The following GALNT13 variants were observed in gnomAD, a reference collection of about 807,000 sequenced individuals.
GALNT13 encodes the protein polypeptide N-acetylgalactosaminyltransferase 13, also known as UDP-GalNAc:polypeptide N-acetylgalactosaminyltransferase 13.
Under a neutral mutation model 64.2 loss-of-function variants are expected in GALNT13, and 28 were observed. The ratio of observed to expected loss-of-function variants is 0.44; its 90% CI spans 0.32 to 0.60. The LOEUF is 0.60. Among genes scored for constraint, GALNT13 ranks in the 20% least tolerant of loss-of-function variants. The pLI, the probability that GALNT13 is intolerant of heterozygous loss-of-function variation, is 0.05. For synonymous variants in GALNT13, 214 were observed against 224.6 expected, an observed-to-expected ratio of 0.95 and a Z score of 0.42; for missense variants, 577 against 669.8, an observed-to-expected ratio of 0.86 and a Z score of 1.53.
rs372302037 is a variant in GALNT13 at position 154,318,276 on chromosome 2, T to C, written c.1156+16687T>C. ...ACCTCAAAGTATCTGCAAACATTTC[T>C]ACAGGAATTTAAATATTCCAAAACG... On this transcript the variant is annotated intron_variant, in intron 9 of 12. Transcript: ENST00000392825. 5.3e-5 allele frequency among the ~76,000 whole-genome samples: 8 copies of C among 152,186 alleles called. No individual in the cohort carries two copies. The East Asian group carries it at 9.6e-4, about 18-fold the overall frequency.
At chr2:153,073,076 T>C in the GALNT13 span, among the ~76,000 whole-genome samples, 1 of 145,020 alleles carries the variant, frequency 6.9e-6, no homozygotes, top group African/African-American at 2.5e-5. Context: ...TTTAATTTCA[T>C]AGCAGCCCTA....
chr2:154,345,654 G>A (rs1696029730), intron 9 of GALNT13, among the ~76,000 whole-genome samples: 1 of 152,040 alleles, frequency 6.6e-6, no homozygotes. Flanking sequence ...GAGACCCACT[G>A]AGGAATGTTT....
chr2:154,205,593 A>G (rs2105787944), intron 4 of GALNT13, among the ~76,000 whole-genome samples: 1 of 152,334 alleles, frequency 6.6e-6, no homozygotes, highest in South Asian at 2.1e-4. Context: ...TACAAAAGAA[A>G]GAGGTTTGTT....
At chr2:153,137,976 G>A in the GALNT13 span, among the ~76,000 whole-genome samples, 2 of 152,016 alleles carry the variant, frequency 1.3e-5, no homozygotes, top group African/African-American at 4.8e-5. Context: ...ATTCTCTGTG[G>A]TGCTTCCTAC....
the GALNT13 span, among the ~76,000 whole-genome samples, chr2:153,392,894 C>G: frequency 6.6e-6 from 1 of 151,876 alleles, no homozygotes; most frequent in Non-Finnish European, 1.5e-5. Context: ...GATTAGTGCC[C>G]TTATAAAAGA....
chr2:153,252,909 C>T, the GALNT13 span, among the ~76,000 whole-genome samples: 1 of 152,094 alleles, frequency 6.6e-6, no homozygotes, highest in African/African-American at 2.4e-5. Flanking sequence ...AGCGTGATGC[C>T]TCCAGCTTTG....
At chr2:154,160,083 C>T (rs1342471953) in intron 4 of GALNT13, among the ~76,000 whole-genome samples, 1 of 152,138 alleles carries the variant, frequency 6.6e-6, no homozygotes, top group Non-Finnish European at 1.5e-5. Context: ...TGTTGCCAGA[C>T]TTCTCTTCCC....
chr2:153,607,775 G>C, the GALNT13 span, among the ~76,000 whole-genome samples: 1 of 152,044 alleles, frequency 6.6e-6, no homozygotes, highest in Non-Finnish European at 1.5e-5. Context: ...AGAGGTGATA[G>C]TGTTTGTCCC....
At chr2:153,746,176 C>T in the GALNT13 span, among the ~76,000 whole-genome samples, 1 of 152,112 alleles carries the variant, frequency 6.6e-6, no homozygotes, top group African/African-American at 2.4e-5. Context: ...CACAAGTGTA[C>T]AGCTCAACAA....
intron 9 of GALNT13, among the ~76,000 whole-genome samples, chr2:154,385,465 A>C (rs1698467915): frequency 6.6e-6 from 1 of 151,988 alleles, no homozygotes; most frequent in Admixed American, 6.6e-5. Context: ...TAGTAGAGTG[A>C]ACAAGAGCAT....
the GALNT13 span, among the ~76,000 whole-genome samples, chr2:153,100,668 T>A: frequency 6.6e-6 from 1 of 152,212 alleles, no homozygotes; most frequent in African/African-American, 2.4e-5. Flanking sequence ...TAAATGTCTT[T>A]CTTCATTAAC....
the GALNT13 span, among the ~76,000 whole-genome samples, chr2:153,582,331 A>AT: frequency 1.3e-5 from 2 of 151,676 alleles, no homozygotes; most frequent in South Asian, 2.1e-4. Context: ...TTTCTAAGGG[A>AT]TTTTTTTTTC....
At chr2:153,460,981 GA>G in the GALNT13 span, among the ~76,000 whole-genome samples, 14 of 152,038 alleles carry the variant, frequency 9.2e-5, no homozygotes, top group Non-Finnish European at 1.3e-4. Context: ...AAAATAGGAA[GA>G]AAAAATTCAC....
chr2:153,140,753 C>A, the GALNT13 span, among the ~76,000 whole-genome samples: 2 of 152,004 alleles, frequency 1.3e-5, no homozygotes, highest in Non-Finnish European at 2.9e-5. Context: ...AACTAAGATG[C>A]ACTTCTTCAT....
At chr2:153,425,855 T>C in the GALNT13 span, among the ~76,000 whole-genome samples, 1 of 151,950 alleles carries the variant, frequency 6.6e-6, no homozygotes, top group African/African-American at 2.4e-5. Context: ...TTGAGTTTAG[T>C]AATATGAGAT....
chr2:153,543,518 A>G, the GALNT13 span, among the ~76,000 whole-genome samples: 1 of 152,250 alleles, frequency 6.6e-6, no homozygotes, highest in African/African-American at 2.4e-5. Flanking sequence ...ATAAGAACAC[A>G]TTCTGCATTC....
chr2:154,152,219 G>T (rs1009348531), intron 4 of GALNT13, among the ~76,000 whole-genome samples: 4 of 152,092 alleles, frequency 2.6e-5, no homozygotes, highest in African/African-American at 7.2e-5. Flanking sequence ...TGAAATTCTG[G>T]GTTGAAAATT....
chr2:154,310,411 A>T (rs945088144), intron 9 of GALNT13, among the ~76,000 whole-genome samples: 2 of 152,152 alleles, frequency 1.3e-5, no homozygotes, highest in Non-Finnish European at 2.9e-5. Context: ...TTTCTTATGC[A>T]TTTACATACA....
the GALNT13 span, among the ~76,000 whole-genome samples, chr2:153,471,054 G>A: frequency 6.6e-6 from 1 of 152,128 alleles, no homozygotes; most frequent in African/African-American, 2.4e-5. Context: ...CTGAAGACAT[G>A]GGGAAAAGTC....
Sources: allele counts gnomAD v4.1 joint callset (sites outside exome capture counted in the v4.1 genomes callset), GRCh38; gene constraint gnomAD v4.1.1; transcripts MANE v1.5; gene names NCBI Gene and HGNC (gene_info 2026-07-23, HGNC 2026-07-21).